PPA2: variants seen among roughly 807,000 people sequenced by gnomAD.
PPA2 encodes inorganic pyrophosphatase 2, mitochondrial.
Under a neutral mutation model 49.5 loss-of-function variants are expected in PPA2, and 48 were observed. The observed-to-expected ratio is 0.97, with a 90% CI of 0.77 to 1.23. PPA2 has a LOEUF of 1.23. PPA2 is among the 50% of genes most tolerant of loss of function. The pLI, the probability that PPA2 is intolerant of heterozygous loss-of-function variation, is 0.00. For synonymous variants in PPA2, 131 were observed against 139.9 expected (o/e 0.94, Z 0.45); for missense variants, 429 against 410.1 (o/e 1.05, Z -0.40).
chr4:105,467,659 G>C (rs1237352008), intron 1 of PPA2, among the ~76,000 whole-genome samples: 1 of 108,730 alleles, frequency 9.2e-6, no homozygotes, highest in African/African-American at 3.7e-5. Context: ...AACTGATCAA[G>C]GGAAAGATGA....
chr4:105,426,230 T>G (rs142211619), intron 6 of PPA2, among the ~76,000 whole-genome samples: 390 of 152,300 alleles, frequency 2.6e-3, no homozygotes, highest in Non-Finnish European at 5.0e-3. Context: ...GATGGCCGAA[T>G]AGGAACAGCT....
chr4:105,407,723 A>C (rs1722549201), intron 7 of PPA2, among the ~76,000 whole-genome samples: 1 of 152,180 alleles, frequency 6.6e-6, no homozygotes, highest in East Asian at 1.9e-4. Context: ...CAAGAGAAAA[A>C]AGTCATATAC....
At chr4:105,380,228 T>C (rs745504934) in intron 10 of PPA2, among the ~76,000 whole-genome samples, 22 of 152,202 alleles carry the variant, frequency 1.4e-4, no homozygotes, top group Non-Finnish European at 2.2e-4. Context: ...GCTTTGGTAG[T>C]TTATATATTT....
intron 3 of PPA2, among the ~76,000 whole-genome samples, chr4:105,450,926 A>G (rs950435079): frequency 1.3e-5 from 2 of 152,106 alleles, no homozygotes; most frequent in African/African-American, 4.8e-5. Context: ...CTAACGATTC[A>G]TGTTGATTGC....
rs187568240 is a variant in PPA2 at position 105,413,797 on chromosome 4, A to C, written c.655+10399T>G. On this transcript the variant is annotated intron_variant, in intron 7 of 11. Coordinates refer to ENST00000341695, the MANE Select transcript of PPA2 (RefSeq NM_176869.3). ...AATAAAATACAAGAGTGAAAAGAAA[A>C]TAAAAACATCTTTCTGACCAAGAGG... 1.8e-3 allele frequency among the ~76,000 whole-genome samples: 277 copies of C among 152,364 alleles called. 1 individual carries two copies. The highest frequency in any genetic ancestry group is 6.5e-3 in the African/African-American group (270 of 41,592).
chr4:105,465,905 G>C (rs922133908), intron 1 of PPA2, among the ~76,000 whole-genome samples: 7 of 152,074 alleles, frequency 4.6e-5, no homozygotes, highest in Admixed American at 4.6e-4. Flanking sequence ...AAACCCATAT[G>C]AGTCAAATGT....
chr4:105,469,921 T>C (rs78544827), intron 1 of PPA2, among the ~76,000 whole-genome samples: 7,646 of 152,286 alleles, frequency 0.05, 294 homozygotes, highest in African/African-American at 0.098. Flanking sequence ...AGATTCCTCC[T>C]ACTACCCAAA....
intron 6 of PPA2, among the ~76,000 whole-genome samples, chr4:105,426,331 T>C (rs1723507121): frequency 6.6e-6 from 1 of 152,152 alleles, no homozygotes; most frequent in Admixed American, 6.5e-5. Flanking sequence ...TTGGGACTGG[T>C]TGGACAGTGG....
intron 7 of PPA2, among the ~76,000 whole-genome samples, chr4:105,423,993 G>T (rs528929410): frequency 6.6e-6 from 1 of 152,084 alleles, no homozygotes; most frequent in Non-Finnish European, 1.5e-5. Context: ...AAAGAGAGGT[G>T]ACAGGAGAGG....
intron 7 of PPA2, 48 bp from the exon 8 acceptor site, chr4:105,399,212 T>G: frequency 6.5e-7 from 1 of 1,543,504 alleles, no homozygotes; most frequent in Non-Finnish European, 8.7e-7. Context: ...CCAAAATTAA[T>G]TCCCTTTAGT....
chr4:105,403,012 TTCTCTCTC>T (rs140739063), intron 7 of PPA2, among the ~76,000 whole-genome samples: 2 of 149,720 alleles, frequency 1.3e-5, no homozygotes, highest in African/African-American at 2.4e-5. Flanking sequence ...CTTTCTTTCT[TTCTCTCTC>T]TCTCTCTCTC....
intron 1 of PPA2, among the ~76,000 whole-genome samples, chr4:105,461,030 T>C (rs1723068702): frequency 6.6e-6 from 1 of 152,178 alleles, no homozygotes; most frequent in Non-Finnish European, 1.5e-5. Flanking sequence ...TAACTACTTC[T>C]AGAAAACAAA....
At chr4:105,405,965 A>G (rs1471686420) in intron 7 of PPA2, 4 of 367,366 alleles carry the variant, frequency 1.1e-5, no homozygotes, top group Non-Finnish European at 2.2e-5. Flanking sequence ...CAAGAGAAAA[A>G]GCAGTTAACA....
chr4:105,373,827 T>A (rs947863303), intron 10 of PPA2, among the ~76,000 whole-genome samples: 1 of 151,270 alleles, frequency 6.6e-6, no homozygotes, highest in African/African-American at 2.4e-5. Context: ...CACTCAGAGA[T>A]AATGATAAAG....
At chr4:105,436,838 C>A (rs1027352878) in intron 6 of PPA2, among the ~76,000 whole-genome samples, 1 of 151,968 alleles carries the variant, frequency 6.6e-6, no homozygotes, top group Non-Finnish European at 1.5e-5. Flanking sequence ...GATTAAAGAC[C>A]TAAATGTTAA....
At chr4:105,383,010 AAAAT>A (rs543740352) in intron 10 of PPA2, among the ~76,000 whole-genome samples, 4,873 of 152,144 alleles carry the variant, frequency 0.032, 260 homozygotes, top group African/African-American at 0.11. Context: ...GTCTCAAAAA[AAAAT>A]AATAATAATT....
At chr4:105,376,726 T>A (rs1046900375) in intron 10 of PPA2, among the ~76,000 whole-genome samples, 1 of 152,166 alleles carries the variant, frequency 6.6e-6, no homozygotes. Context: ...TGGCCTGAAT[T>A]CTAGATTGTA....
At chr4:105,464,995 T>A (rs552919230) in intron 1 of PPA2, among the ~76,000 whole-genome samples, 2 of 152,330 alleles carry the variant, frequency 1.3e-5, no homozygotes, top group East Asian at 3.9e-4. Context: ...GATAGAATGT[T>A]CTGTAATCAT....
chr4:105,374,858 CTTT>C (rs377243001), intron 10 of PPA2, among the ~76,000 whole-genome samples: 5 of 131,802 alleles, frequency 3.8e-5, no homozygotes, highest in Non-Finnish European at 6.6e-5. Flanking sequence ...TTTCTTTTTT[CTTT>C]TTTTTTTTTT....
Sources: allele counts gnomAD v4.1 joint callset (sites outside exome capture counted in the v4.1 genomes callset), GRCh38; gene constraint gnomAD v4.1.1; transcripts MANE v1.5; gene names NCBI Gene and HGNC (gene_info 2026-07-23, HGNC 2026-07-21).